Variants in HDGFL3 observed in about 807,000 individuals in gnomAD.
HDGFL3 encodes hepatoma-derived growth factor-related protein 3.
HDGFL3 carries 6 observed loss-of-function variants against 27.6 expected under a neutral mutation model. That is an observed-to-expected ratio of 0.22 (90% CI 0.12 to 0.43). The LOEUF (loss-of-function observed/expected upper bound fraction) is 0.43, where lower values mean the gene tolerates loss of function less well. Ranked by LOEUF, HDGFL3 falls within the 20% of genes least tolerant of loss-of-function variation. HDGFL3 has a pLI of 1.00. For missense variants in HDGFL3, 207 were observed against 250.1 expected, an observed-to-expected ratio of 0.83 and a Z score of 1.16; for synonymous variants, 88 against 88.9, an observed-to-expected ratio of 0.99 and a Z score of 0.05.
At chr15:83,115,833 T>G in intron 3 of HDGFL3, 1 of 1,599,098 alleles carries the variant, frequency 6.3e-7, no homozygotes, top group Non-Finnish European at 8.6e-7. Flanking sequence ...ACTGCTGCTT[T>G]CTTTGCTCTA....
At chr15:83,161,724 T>C (rs1023914468) in intron 2 of HDGFL3, among the ~76,000 whole-genome samples, 2 of 152,198 alleles carry the variant, frequency 1.3e-5, no homozygotes, top group Non-Finnish European at 2.9e-5. Context: ...CTAAAACAAG[T>C]TGTAATTTTT....
chr15:83,202,743 C>G (rs2037663790), intron 1 of HDGFL3, among the ~76,000 whole-genome samples: 2 of 152,092 alleles, frequency 1.3e-5, no homozygotes, highest in South Asian at 4.1e-4. Context: ...CATGTAACAC[C>G]ATCCAGATCA....
At chr15:83,185,617 G>A (rs116054057) in intron 1 of HDGFL3, among the ~76,000 whole-genome samples, 52 of 152,290 alleles carry the variant, frequency 3.4e-4, no homozygotes, top group African/African-American at 1.3e-3. Flanking sequence ...GAGATGTCCT[G>A]GGAAGAGGGA....
exon 4 of HDGFL3, chr15:83,115,186 C>T (rs557392886): frequency 1.5e-4 from 23 of 156,530 alleles, no homozygotes; most frequent in African/African-American, 4.6e-4. Flanking sequence ...GGTGTGATCT[C>T]GGCTCACTGC....
exon 4 of HDGFL3, chr15:83,114,462 G>A (rs2034473132): frequency 6.6e-6 from 1 of 152,286 alleles, no homozygotes; most frequent in African/African-American, 2.4e-5. Flanking sequence ...TAATCACCTG[G>A]GAGGCTTCTG....
At chr15:83,198,746 T>C (rs547180474) in intron 1 of HDGFL3, among the ~76,000 whole-genome samples, 1 of 152,320 alleles carries the variant, frequency 6.6e-6, no homozygotes, top group East Asian at 1.9e-4. Flanking sequence ...ACTTGCTTTA[T>C]AACTCACTCT....
rs2037583687 is a variant in HDGFL3 at position 83,197,341 on chromosome 15, G to A, written c.84+9990C>T. Among the ~76,000 whole-genome samples, 4 of 152,168 alleles carry A rather than the reference G, an allele frequency of 2.6e-5. No homozygotes were observed. In the South Asian group the frequency reaches 8.3e-4, roughly 31 times the overall value. On this transcript the variant is annotated intron_variant, in intron 1 of 5. Transcript: ENST00000299633. ...TTTTACATATTTTATGTGAGTCAGT[G>A]AGCCAGATGTAAGACATAAAACTGT...
rs544206113 is a variant in HDGFL3 at position 83,195,069 on chromosome 15, C to T, written c.84+12262G>A. Among the ~76,000 whole-genome samples the T allele has an allele frequency of 1.5e-4, 23 of 152,124 alleles. 1 individual carries two copies. The South Asian group carries it at 4.6e-3, about 30-fold the overall frequency. Reference sequence around the variant, plus strand: ...AGTTCCAAAAACTACATTTCAATATCGTATGACAAAAAAAGCTGAAACCCA... The same window carrying T: ...AGTTCCAAAAACTACATTTCAATATTGTATGACAAAAAAAGCTGAAACCCA... On this transcript the variant is annotated intron_variant, in intron 1 of 5. Transcript: ENST00000299633.
chr15:83,179,514 G>C (rs2037353704), intron 1 of HDGFL3, among the ~76,000 whole-genome samples: 1 of 152,150 alleles, frequency 6.6e-6, no homozygotes, highest in Admixed American at 6.5e-5. Context: ...GGTAGTTGGG[G>C]GTGAGAAGTC....
intron 1 of HDGFL3, among the ~76,000 whole-genome samples, chr15:83,200,792 C>T (rs2037634844): frequency 6.6e-6 from 1 of 151,884 alleles, no homozygotes; most frequent in Non-Finnish European, 1.5e-5. Flanking sequence ...TGCAGGACTT[C>T]CTCAGAAATC....
At chr15:83,144,397 T>C in intron 5 of HDGFL3, 1 of 456,022 alleles carries the variant, frequency 2.2e-6, no homozygotes, top group Non-Finnish European at 4.4e-6. Context: ...CCTAGTGACT[T>C]GCTTGTAATA....
intron 5 of HDGFL3, chr15:83,144,797 C>T: frequency 2.9e-6 from 1 of 339,604 alleles, no homozygotes; most frequent in South Asian, 2.3e-5. Context: ...CAAGTTGCAC[C>T]TGAATGGACT....
At chr15:83,155,146 T>C (rs1224495535) in intron 4 of HDGFL3, among the ~76,000 whole-genome samples, 1 of 152,258 alleles carries the variant, frequency 6.6e-6, no homozygotes, top group Non-Finnish European at 1.5e-5. Context: ...ATTATAGGTA[T>C]GAGCCATTGT....
chr15:83,139,190 T>C lies in HDGFL3; in HGVS notation c.*80A>G. ...ACAACAAGGACTATGTGTTGGTTCATATCAAATCCAAGAATATTAGACAAC... is the reference window on the plus strand; with the variant it reads ...ACAACAAGGACTATGTGTTGGTTCACATCAAATCCAAGAATATTAGACAAC... On this transcript the variant is annotated 3_prime_UTR_variant, in exon 6 of 6. Transcript: ENST00000299633. 1.0e-6 allele frequency: 1 copy of C among 955,456 alleles called. No individual in the cohort carries two copies. Among genetic ancestry groups the C allele is most frequent in the Non-Finnish European group, 1.5e-6 (1 of 680,600 alleles). 59.2% of individuals were successfully genotyped at this position (955,456 alleles called of 1,614,324 possible).
intron 1 of HDGFL3, among the ~76,000 whole-genome samples, chr15:83,187,664 G>A (rs1170708361): frequency 2.6e-5 from 4 of 152,024 alleles, no homozygotes; most frequent in Non-Finnish European, 4.4e-5. Context: ...TGAGGCGGGC[G>A]GATCACCTAA....
intron 1 of HDGFL3, among the ~76,000 whole-genome samples, chr15:83,193,400 G>T (rs1262914512): frequency 1.3e-5 from 2 of 152,090 alleles, no homozygotes; most frequent in Admixed American, 6.5e-5. Context: ...ACACCCATTA[G>T]GATTCCTACT....
chr15:83,168,122 T>C (rs932213845), intron 1 of HDGFL3, among the ~76,000 whole-genome samples: 1 of 152,120 alleles, frequency 6.6e-6, no homozygotes, highest in African/African-American at 2.4e-5. Flanking sequence ...AAAACAGAGA[T>C]GTAACATACC....
intron 1 of HDGFL3, chr15:83,179,854 T>A (rs1368005793): frequency 6.6e-6 from 1 of 152,248 alleles, no homozygotes; most frequent in Non-Finnish European, 1.5e-5. Context: ...AAATGGTAGG[T>A]GCATAATAAA....
rs143172276 is a variant in HDGFL3 at position 83,177,038 on chromosome 15, C to T, written c.85-12963G>A. Among the ~76,000 whole-genome samples, 654 of 150,420 alleles carry T rather than the reference C, an allele frequency of 4.3e-3. 10 individuals carry two copies. The highest frequency in any genetic ancestry group is 0.014 in the African/African-American group (571 of 40,592). ...GTCCAAGCAATTCTCCTGCCTCAGC[C>T]GCCTGTGTAGCTGGGATTACAGGCA... On this transcript the variant is annotated intron_variant, in intron 1 of 5. Transcript: ENST00000299633.
Sources: gnomAD v4.1 joint callset for allele counts (sites outside exome capture counted in the v4.1 genomes callset) on GRCh38, gnomAD v4.1.1 for gene constraint, MANE v1.5 for transcripts, NCBI Gene and HGNC (gene_info 2026-07-23, HGNC 2026-07-21) for gene names.